Variants in CIMIP6 observed in about 807,000 individuals in gnomAD.
CIMIP6 encodes the protein uncharacterized protein C2orf73.
the CIMIP6 span, among the ~76,000 whole-genome samples, chr2:54,348,275 AAC>A: frequency 6.6e-6 from 1 of 152,226 alleles, no homozygotes; most frequent in Non-Finnish European, 1.5e-5. Flanking sequence ...TAAAGTGCCC[AAC>A]ACAGTGTTTG....
At chr2:54,351,572 G>A in the CIMIP6 span, among the ~76,000 whole-genome samples, 1 of 152,140 alleles carries the variant, frequency 6.6e-6, no homozygotes, top group South Asian at 2.1e-4. Flanking sequence ...GCTAAATGAT[G>A]AAAACACATG....
At chr2:54,367,943 A>G in the CIMIP6 span, among the ~76,000 whole-genome samples, 1 of 152,210 alleles carries the variant, frequency 6.6e-6, no homozygotes, top group Non-Finnish European at 1.5e-5. Flanking sequence ...AATCTTAAGT[A>G]ACCTTATAGG....
the CIMIP6 span, among the ~76,000 whole-genome samples, chr2:54,365,093 C>T: frequency 1.3e-5 from 2 of 152,074 alleles, no homozygotes; most frequent in South Asian, 4.2e-4. Flanking sequence ...AGCCAGGATC[C>T]TAGAAGAGCT....
At chr2:54,331,459 C>A in the CIMIP6 span, among the ~76,000 whole-genome samples, 1 of 152,138 alleles carries the variant, frequency 6.6e-6, no homozygotes, top group East Asian at 1.9e-4. Flanking sequence ...GTTTACAGCC[C>A]AGGTTAGATC....
At chr2:54,359,053 G>A in the CIMIP6 span, 49 of 1,528,348 alleles carry the variant, frequency 3.2e-5, no homozygotes, top group Middle Eastern at 1.7e-4. Flanking sequence ...GAAAAACTCC[G>A]AATGAGCCTC....
chr2:54,357,630 G>A, the CIMIP6 span, among the ~76,000 whole-genome samples: 2 of 149,658 alleles, frequency 1.3e-5, no homozygotes, highest in Non-Finnish European at 3.0e-5. Flanking sequence ...AGGCTGGAGT[G>A]CAGTGGCGCG....
At chr2:54,382,748 C>T in the CIMIP6 span, among the ~76,000 whole-genome samples, 1 of 152,192 alleles carries the variant, frequency 6.6e-6, no homozygotes, top group Non-Finnish European at 1.5e-5. Context: ...CTTAATTGGA[C>T]CATGTGGCGG....
At chr2:54,380,868 C>T in the CIMIP6 span, among the ~76,000 whole-genome samples, 82,010 of 152,066 alleles carry the variant, frequency 0.54, 25,718 homozygotes, top group African/African-American at 0.87. Flanking sequence ...CTTTCCTCTA[C>T]AGATATTTTC....
the CIMIP6 span, among the ~76,000 whole-genome samples, chr2:54,378,193 C>A: frequency 6.6e-6 from 1 of 152,178 alleles, no homozygotes; most frequent in Non-Finnish European, 1.5e-5. Flanking sequence ...AGTAGTTTAA[C>A]CTTCTTAATT....
chr2:54,332,371 C>T, the CIMIP6 span, among the ~76,000 whole-genome samples: 1 of 152,176 alleles, frequency 6.6e-6, no homozygotes, highest in African/African-American at 2.4e-5. Context: ...TCTATGAGGG[C>T]AGGAATTTTT....
the CIMIP6 span, among the ~76,000 whole-genome samples, chr2:54,379,961 G>A: frequency 1.4e-5 from 2 of 142,944 alleles, no homozygotes; most frequent in Non-Finnish European, 1.5e-5. Flanking sequence ...TGGGTGACAA[G>A]AGTGAAAGTC....
At chr2:54,341,153 A>G in the CIMIP6 span, among the ~76,000 whole-genome samples, 372 of 152,222 alleles carry the variant, frequency 2.4e-3, 2 homozygotes, top group African/African-American at 8.7e-3. Context: ...TTCTCAGAAT[A>G]TTTACTGCTA....
the CIMIP6 span, among the ~76,000 whole-genome samples, chr2:54,338,328 A>T: frequency 6.6e-6 from 1 of 151,910 alleles, no homozygotes; most frequent in Non-Finnish European, 1.5e-5. Context: ...CCAGCTACTT[A>T]GGAGGCTGAG....
the CIMIP6 span, among the ~76,000 whole-genome samples, chr2:54,332,006 G>A: frequency 6.6e-6 from 1 of 152,112 alleles, no homozygotes; most frequent in Admixed American, 6.5e-5. Context: ...AAAGGAAATG[G>A]GCCCCATAAA....
At chr2:54,364,619 G>A in the CIMIP6 span, among the ~76,000 whole-genome samples, 32 of 152,186 alleles carry the variant, frequency 2.1e-4, no homozygotes, top group East Asian at 1.2e-3. Flanking sequence ...CTCAATAACC[G>A]GTCCATTAAT....
chr2:54,359,494 G>T, the CIMIP6 span, among the ~76,000 whole-genome samples: 1 of 151,992 alleles, frequency 6.6e-6, no homozygotes, highest in Non-Finnish European at 1.5e-5. Context: ...GCTGGGCACA[G>T]TGACTTGACG....
the CIMIP6 span, among the ~76,000 whole-genome samples, chr2:54,353,704 C>T: frequency 6.6e-6 from 1 of 152,234 alleles, no homozygotes; most frequent in Admixed American, 6.5e-5. Flanking sequence ...CCAGTGTATT[C>T]ATTGCTTTTG....
the CIMIP6 span, among the ~76,000 whole-genome samples, chr2:54,331,872 T>G: frequency 6.6e-6 from 1 of 152,208 alleles, no homozygotes; most frequent in Admixed American, 6.5e-5. Flanking sequence ...ACAATGGTTC[T>G]CACACTTGAA....
the CIMIP6 span, among the ~76,000 whole-genome samples, chr2:54,350,445 A>G: frequency 1.3e-5 from 2 of 152,218 alleles, no homozygotes; most frequent in African/African-American, 2.4e-5. Flanking sequence ...GCTGGGATGC[A>G]GGAATGACTG....
Sources: gnomAD v4.1 joint callset for allele counts (sites outside exome capture counted in the v4.1 genomes callset) on GRCh38, gnomAD v4.1.1 for gene constraint, MANE v1.5 for transcripts, NCBI Gene and HGNC (gene_info 2026-07-23, HGNC 2026-07-21) for gene names.